SIGLEC1: variants seen among roughly 807,000 people sequenced by gnomAD.
SIGLEC1 encodes sialoadhesin.
In SIGLEC1, 132 loss-of-function variants were observed where a neutral mutation model predicts 148.0. The observed-to-expected ratio is 0.89, with a 90% CI of 0.77 to 1.03. SIGLEC1 has a LOEUF of 1.03. SIGLEC1 is among the 50% of genes least tolerant of loss of function. The pLI is 0.00. For synonymous variants in SIGLEC1, 945 were observed against 969.0 expected, an observed-to-expected ratio of 0.98 and a Z score of 0.46; for missense variants, 2,253 against 2,271.4, an observed-to-expected ratio of 0.99 and a Z score of 0.16.
intron 21 of SIGLEC1, 197 bp from the exon 22 acceptor site, chr20:3,688,816 T>G (rs1040088204): frequency 3.3e-6 from 2 of 599,404 alleles, no homozygotes; most frequent in South Asian, 4.0e-5. Context: ...GACTTTCACT[T>G]CTGCCCAGGT....
Position 3,689,199 on chromosome 20 carries a change from C to T in SIGLEC1, c.5026G>A (p.Gly1676Ser), listed in dbSNP as rs1480392310. 2 of 1,614,206 alleles carry T rather than the reference C, an allele frequency of 1.2e-6. No individual in the cohort carries two copies. The highest frequency in any genetic ancestry group is 1.7e-4 in the Middle Eastern group (1 of 6,060). The change falls in exon 21 of 22, where the codon GGC becomes AGC. Residue 1676 changes from glycine (G) to serine (S), a missense_variant. Coordinates refer to ENST00000344754, the MANE Select transcript of SIGLEC1 (RefSeq NM_023068.4). ...RRRRVCKQSMGENSVEMAFQK... is the reference protein window; with the variant it reads ...RRRRVCKQSMSENSVEMAFQK... Reference sequence around the variant, plus strand: ...AAAGCCATCTCCACCGAATTCTCGCCCATGCTCTGCTTACAAACACGCCTC... The same window carrying T: ...AAAGCCATCTCCACCGAATTCTCGCTCATGCTCTGCTTACAAACACGCCTC...
Position 3,688,349 on chromosome 20 carries a change from TC to T in SIGLEC1, c.*210del. The stretch of plus-strand genomic sequence containing the variant: ...GAGATCAGCTCAGTGCTCTTCAGTG[TC>T]CTCCAGGGTCAACACCCTCCTGGGC... On this transcript the variant is annotated 3_prime_UTR_variant, in exon 22 of 22. Transcript: ENST00000344754. 1 of 597,332 alleles carries T rather than the reference TC, an allele frequency of 1.7e-6. No individual in the cohort carries two copies. 37.0% of individuals were successfully genotyped at this position (597,332 alleles called of 1,614,324 possible).
Position 3,694,712 on chromosome 20 carries a change from TG to T in SIGLEC1, c.2894del (p.Pro965GlnfsTer8), listed in dbSNP as rs769520665. ...AGAYHCQAQAPGSATTSLAAP... is the reference protein window; with the variant it reads ...AGAYHCQAQAXGSATTSLAAP... Reference sequence around the variant, plus strand: ...CAGCTAGGCTCGTGGTGGCTGAGCCTGGGGCCTGGGCTTGGCAATGATAGGC... The same window carrying T: ...CAGCTAGGCTCGTGGTGGCTGAGCCTGGGCCTGGGCTTGGCAATGATAGGC... On this transcript the variant is annotated frameshift_variant, in exon 12 of 22. Coordinates refer to ENST00000344754, the MANE Select transcript of SIGLEC1 (RefSeq NM_023068.4). LOFTEE classifies it high-confidence loss of function. The T allele has an allele frequency of 1.9e-6, 3 of 1,613,838 alleles. No individual in the cohort carries two copies. The South Asian group carries it at 3.3e-5, about 18-fold the overall frequency.
At chr20:3,695,968 C>T (rs1036250592) in intron 11 of SIGLEC1, among the ~76,000 whole-genome samples, 1 of 152,042 alleles carries the variant, frequency 6.6e-6, no homozygotes, top group African/African-American at 2.4e-5. Flanking sequence ...CCCACCACCA[C>T]ACCTAGCTAA....
At position 3,706,660 on chromosome 20, in the gene SIGLEC1, CA is replaced by C; in HGVS notation, c.95del (p.Val32GlyfsTer39). ...GVSSPQDVQG[V>X]KGSCLLIPCI... ...AGGGGATAAGCAGGCAAGACCCCTT[CA>C]CACCCTGCACGTCCTGGGGACTGGA... On this transcript the variant is annotated frameshift_variant, in exon 3 of 22. Coordinates refer to ENST00000344754, the MANE Select transcript of SIGLEC1 (RefSeq NM_023068.4). LOFTEE classifies it high-confidence loss of function. 6.4e-7 allele frequency: 1 copy of C among 1,563,706 alleles called. No individual in the cohort carries two copies.
In SIGLEC1 at chr20:3,697,815, G is replaced by C. The variant is rs147382787; in HGVS notation, c.2105C>G (p.Ala702Gly). 1.2e-6 allele frequency: 2 copies of C among 1,612,788 alleles called. No individual in the cohort carries two copies. The change falls in exon 9 of 22, where the codon GCC becomes GGC. Residue 702 changes from alanine to glycine, a missense_variant. Transcript: ENST00000344754. Reference protein sequence around the residue: ...SNALGNASTSATFNGQATVLA... With the variant: ...SNALGNASTSGTFNGQATVLA... ...TGACTCACCCTGGCCATTGAAGGTG[G>C]CTGAGGTGGAGGCGTTGCCCAGGGC... is the stretch of plus-strand genomic sequence containing the variant.
Position 3,698,136 on chromosome 20 carries a change from G to T in SIGLEC1, c.1787-3C>A. 1.3e-6 allele frequency: 2 copies of T among 1,582,030 alleles called. No individual in the cohort carries two copies. Among genetic ancestry groups the T allele is most frequent in the Middle Eastern group, 1.8e-4 (1 of 5,412 alleles). On this transcript the variant is annotated splice_region_variant and splice_polypyrimidine_tract_variant and intron_variant, in intron 8 of 21. Coordinates refer to ENST00000344754, the MANE Select transcript of SIGLEC1 (RefSeq NM_023068.4). ...GAATGTTGGTTGTCGAGGGGGGTCTGCAGGGAGGAAGAACATGGGCACTCA... is the reference window on the plus strand; with the variant it reads ...GAATGTTGGTTGTCGAGGGGGGTCTTCAGGGAGGAAGAACATGGGCACTCA...
rs1568841951 is a variant in SIGLEC1, at chr20:3,696,131, CACACACACAA to C, written c.2683+445_2683+454del. On this transcript the variant is annotated intron_variant, in intron 11 of 21. Coordinates refer to ENST00000344754, the MANE Select transcript of SIGLEC1 (RefSeq NM_023068.4). ...GATTTTTATAGAGACTATATATATA[CACACACACAA>C]ACACACACACACACACACACACACA... is the stretch of plus-strand genomic sequence containing the variant. Among the ~76,000 whole-genome samples, 123 of 56,592 alleles carry C rather than the reference CACACACACAA, an allele frequency of 2.2e-3. 1 individual carries two copies. Among genetic ancestry groups the C allele is most frequent in the Non-Finnish European group, 4.0e-3 (112 of 28,002 alleles). 37.1% of individuals were successfully genotyped at this position (56,592 alleles called of 152,430 possible).
chr20:3,690,811 T>C (rs1326809983), intron 18 of SIGLEC1, among the ~76,000 whole-genome samples: 1 of 149,496 alleles, frequency 6.7e-6, no homozygotes, highest in Non-Finnish European at 1.5e-5. Flanking sequence ...CTTTTGGTTT[T>C]TTCTCTTCTT....
intron 6 of SIGLEC1, among the ~76,000 whole-genome samples, chr20:3,702,557 C>T (rs2087860196): frequency 6.6e-6 from 1 of 151,014 alleles, no homozygotes; most frequent in Non-Finnish European, 1.5e-5. Context: ...CATTGCACTC[C>T]AGCCTGGGCA....
chr20:3,695,267 C>T (rs1045285815), intron 11 of SIGLEC1, among the ~76,000 whole-genome samples: 1 of 152,206 alleles, frequency 6.6e-6, no homozygotes, highest in African/African-American at 2.4e-5. Flanking sequence ...TAGCTCCTGA[C>T]AAATGTTGGT....
Position 3,701,446 on chromosome 20 carries a change from C to A in SIGLEC1, c.1424G>T (p.Arg475Leu), listed in dbSNP as rs375088205. ...TTCCTCCAGGTCTCGGATCTCCAGG[C>A]GCAGGGAGTTGGGACCAGAGGTACC... ...FSGTSGPNSLRLEIRDLEETD... is the reference protein window; with the variant it reads ...FSGTSGPNSLLLEIRDLEETD... Residue 475 changes from arginine (R) to leucine (L), a missense_variant, in exon 7 of 22, where the codon CGC (arginine) becomes CTC (leucine). Arg to Leu is a moderately radical substitution (Grantham distance 102, BLOSUM62 -2). Transcript: ENST00000344754. The A allele has an allele frequency of 2.5e-6, 4 of 1,613,992 alleles. No individual in the cohort carries two copies. The highest frequency in any genetic ancestry group is 1.7e-5 in the Admixed American group (1 of 60,006).
At position 3,692,141 on chromosome 20, in the gene SIGLEC1, C is replaced by A; in HGVS notation, c.4092G>T (p.Val1364=). Residue 1364 remains valine (V), a synonymous_variant, in exon 17 of 22, where the codon GTG becomes GTT. Coordinates refer to ENST00000344754, the MANE Select transcript of SIGLEC1 (RefSeq NM_023068.4). ...GCTCACTGTCCACAGTGCACTGTAT[C>A]ACAGCCATGGATCTGGCCCTGGAGT... ...FRDSRARSMA[V]IQCTVDSEPP... is the part of the protein sequence containing the mutation. The A allele has an allele frequency of 6.3e-7, 1 of 1,595,222 alleles. No individual in the cohort carries two copies. Among genetic ancestry groups the A allele is most frequent in the Non-Finnish European group, 8.5e-7 (1 of 1,170,926 alleles).
At chr20:3,691,741 A>G (rs2146518918) in intron 17 of SIGLEC1, 141 bp from the exon 18 acceptor site, 1 of 1,347,928 alleles carries the variant, frequency 7.4e-7, no homozygotes, top group Non-Finnish European at 1.0e-6. Flanking sequence ...AGGTGGAACC[A>G]TGCCCCCTCC....
In SIGLEC1 at chr20:3,705,554, G is replaced by T. The variant is rs548480; in HGVS notation, c.706+190C>A. 7.3e-3 allele frequency among the ~76,000 whole-genome samples: 1,117 copies of T among 152,306 alleles called. 1 individual carries two copies. Among genetic ancestry groups the T allele is most frequent in the Middle Eastern group, 0.01 (3 of 294 alleles). On this transcript the variant is annotated intron_variant, in intron 4 of 21. Transcript: ENST00000344754. ...AAGCCCCTTCGAAGCAGTAGGAGGT[G>T]GAGGGAACCATTTAACGAAGTCCTT... is the stretch of plus-strand genomic sequence containing the variant.
Position 3,694,507 on chromosome 20 carries a change from AG to A in SIGLEC1, c.2969del (p.Thr990IlefsTer3). 1 of 1,572,258 alleles carries A rather than the reference AG, an allele frequency of 6.4e-7. No homozygotes were observed. Among genetic ancestry groups the A allele is most frequent in the Non-Finnish European group, 8.6e-7 (1 of 1,156,478 alleles). On this transcript the variant is annotated frameshift_variant, in exon 13 of 22. Coordinates refer to ENST00000344754, the MANE Select transcript of SIGLEC1 (RefSeq NM_023068.4). LOFTEE classifies it high-confidence loss of function. ...VSYAPRHVTL[T>X]TLMDTGPGRL... ...GTCCAGGGCCTGTGTCCATCAGGGT[AG>A]TGAGTGTGACGTGGCGTGGGGCATC...
chr20:3,704,598 T>G (rs2087879043), intron 4 of SIGLEC1, among the ~76,000 whole-genome samples: 1 of 152,210 alleles, frequency 6.6e-6, no homozygotes, highest in South Asian at 2.1e-4. Context: ...CCAAAGCCTC[T>G]CTCTGTGTAT....
Position 3,703,334 on chromosome 20 carries a change from T to C in SIGLEC1, c.1091A>G (p.His364Arg). 3.1e-6 allele frequency: 5 copies of C among 1,614,122 alleles called. No homozygotes were observed. The highest frequency in any genetic ancestry group is 4.2e-6 in the Non-Finnish European group (5 of 1,180,000). Residue 364 changes from histidine to arginine, a missense_variant, in exon 6 of 22, where the codon CAT becomes CGT. His to Arg is a conservative substitution (Grantham distance 29). Transcript: ENST00000344754. ...GGAGTGGGCATCCTCCAGCAGGACA[T>C]GGTTCTTGTACCAGCTGTAGCGGAG... is the stretch of plus-strand genomic sequence containing the variant. ...SDLRYSWYKN[H>R]VLLEDAHSHT...
In SIGLEC1 at chr20:3,694,710, C is replaced by T. The variant is rs1486499331; in HGVS notation, c.2897G>A (p.Gly966Asp). ...TGCAGCTAGGCTCGTGGTGGCTGAG[C>T]CTGGGGCCTGGGCTTGGCAATGATA... ...GAYHCQAQAP[G>D]SATTSLAAPI... The change falls in exon 12 of 22, where the codon GGC becomes GAC. Residue 966 changes from glycine (G) to aspartate (D), a missense_variant. Transcript: ENST00000344754. 1 of 1,613,816 alleles carries T rather than the reference C, an allele frequency of 6.2e-7. No individual in the cohort carries two copies.
Sources: gnomAD v4.1 joint callset for allele counts (sites outside exome capture counted in the v4.1 genomes callset) on GRCh38, gnomAD v4.1.1 for gene constraint, MANE v1.5 for transcripts, NCBI Gene and HGNC (gene_info 2026-07-23, HGNC 2026-07-21) for gene names.